Variants in MYH10 observed in about 807,000 individuals in gnomAD.
MYH10 encodes myosin heavy chain 10, also known as myosin-10.
MYH10 carries 55 observed loss-of-function variants against 257.8 expected under a neutral mutation model. That is an observed-to-expected ratio of 0.21 (90% CI 0.17 to 0.27). The LOEUF is 0.27. Among genes scored for constraint, MYH10 ranks in the 10% least tolerant of loss-of-function variants. The probability of loss-of-function intolerance (pLI) is 1.00; values close to 1 mark genes in which losing one functional copy is unlikely to be tolerated. For synonymous variants in MYH10, 854 were observed against 921.7 expected (o/e 0.93, Z 1.33); for missense variants, 1,631 against 2,500.6 (o/e 0.65, Z 7.42).
In MYH10 at chr17:8,490,523, G is replaced by A; in HGVS notation, c.4701C>T (p.Ala1567=). 2 of 1,614,184 alleles carry A rather than the reference G, an allele frequency of 1.2e-6. No homozygotes were observed. Among genetic ancestry groups the A allele is most frequent in the Non-Finnish European group, 1.7e-6 (2 of 1,180,028 alleles). ...TCATTTCCTCCACCTGCTGCTCTAGGGCCCGTTTGGATTTTTCAAGTTCGT... is the reference window on the plus strand; with the variant it reads ...TCATTTCCTCCACCTGCTGCTCTAGAGCCCGTTTGGATTTTTCAAGTTCGT... ...NVHELEKSKR[A]LEQQVEEMRT... Residue 1567 remains alanine, a synonymous_variant, in exon 35 of 43, where the codon GCC becomes GCT. Coordinates refer to ENST00000360416, the MANE Select transcript of MYH10 (RefSeq NM_001256012.3). The surrounding 1 kb of genome is among the most constrained non-coding windows in gnomAD (Gnocchi z 4.1).
intron 2 of MYH10, among the ~76,000 whole-genome samples, chr17:8,614,424 T>C (rs1005664518): frequency 3.3e-5 from 5 of 150,098 alleles, no homozygotes; most frequent in South Asian, 2.1e-4. Context: ...GTTCAGGCTA[T>C]TCTCTGTCCT....
chr17:8,500,437 A>G (rs1917343381), intron 29 of MYH10, among the ~76,000 whole-genome samples: 1 of 152,202 alleles, frequency 6.6e-6, no homozygotes, highest in African/African-American at 2.4e-5. Flanking sequence ...GGAGAGATGA[A>G]TGTCAGGAAC....
At chr17:8,524,331 T>C (rs1279983295) in intron 17 of MYH10, among the ~76,000 whole-genome samples, 3 of 151,678 alleles carry the variant, frequency 2.0e-5, no homozygotes, top group Non-Finnish European at 4.4e-5. Flanking sequence ...ACACCTGTAG[T>C]TCCAGCTACT....
rs778262442 is a variant in MYH10, at chr17:8,499,866, ATG to A, written c.3745-392_3745-391del. ...TTGGTGCAGGGGTGGCCACAACAGG[ATG>A]TATCTCCAATGACATCCTGCCTCAG... On this transcript the variant is annotated intron_variant, in intron 29 of 42. Transcript: ENST00000360416. Among the ~76,000 whole-genome samples, 10 of 152,310 alleles carry A rather than the reference ATG, an allele frequency of 6.6e-5. No individual in the cohort carries two copies. The East Asian group carries it at 1.9e-3, about 29-fold the overall frequency.
chr17:8,615,055 A>T (rs2085202714), intron 2 of MYH10, among the ~76,000 whole-genome samples: 2 of 152,196 alleles, frequency 1.3e-5, no homozygotes, highest in South Asian at 4.1e-4. Context: ...ACACTTTGGG[A>T]GGTCAAAGTG....
intron 1 of MYH10, among the ~76,000 whole-genome samples, chr17:8,630,261 G>T (rs1180799569): frequency 6.8e-6 from 1 of 147,870 alleles, no homozygotes; most frequent in Non-Finnish European, 1.5e-5. Context: ...GCGCCCCCAG[G>T]GATCCCACCC....
At chr17:8,484,989 A>G (rs1219458723) in intron 36 of MYH10, among the ~76,000 whole-genome samples, 2 of 152,246 alleles carry the variant, frequency 1.3e-5, no homozygotes, top group Non-Finnish European at 2.9e-5. Context: ...GAAATAAAAG[A>G]TATCCAGATT....
At chr17:8,628,721 T>A (rs1420857563) in intron 1 of MYH10, among the ~76,000 whole-genome samples, 1 of 152,214 alleles carries the variant, frequency 6.6e-6, no homozygotes, top group East Asian at 1.9e-4. Flanking sequence ...ATACTGTGTT[T>A]AATATTTCCA....
chr17:8,518,324 G>A (rs9889928), intron 21 of MYH10, among the ~76,000 whole-genome samples: 6,811 of 152,062 alleles, frequency 0.045, 221 homozygotes, highest in East Asian at 0.19. Context: ...AGTAGAGATG[G>A]GGTTTTGCCA....
intron 21 of MYH10, among the ~76,000 whole-genome samples, chr17:8,515,256 A>AACT (rs1229547119): frequency 6.6e-5 from 10 of 152,228 alleles, no homozygotes; most frequent in Admixed American, 3.3e-4. Flanking sequence ...GCGATGGAAA[A>AACT]AATAAGAAAA....
intron 7 of MYH10, 84 bp from the exon 8 acceptor site, chr17:8,554,102 T>C: frequency 2.2e-6 from 2 of 923,930 alleles, no homozygotes; most frequent in Non-Finnish European, 3.5e-6. Flanking sequence ...AGACAACAAG[T>C]ATCCATGAAT....
intron 35 of MYH10, among the ~76,000 whole-genome samples, chr17:8,487,864 C>T (rs768539910): frequency 2.0e-5 from 3 of 152,078 alleles, no homozygotes; most frequent in African/African-American, 7.2e-5. Context: ...GACCTGAGCT[C>T]GGTGTAGATG....
chr17:8,520,527 AT>A (rs2081620452), intron 19 of MYH10, among the ~76,000 whole-genome samples: 1 of 152,176 alleles, frequency 6.6e-6, no homozygotes, highest in Non-Finnish European at 1.5e-5. Flanking sequence ...AATAAAAATA[AT>A]TATGTTTGAA....
At position 8,490,546 on chromosome 17, in the gene MYH10, C is replaced by T. The variant is rs1311552961; in HGVS notation, c.4678G>A (p.Glu1560Lys). ...AGGGCCCGTTTGGATTTTTCAAGTT[C>T]GTGAACCTAAACCACCGAAGCATCA... ...SKDDVGKNVH[E>K]LEKSKRALEQ... The change falls in exon 35 of 43, where the codon GAA (glutamate) becomes AAA (lysine). Residue 1560 changes from glutamate (E) to lysine (K), a missense_variant. By Grantham distance (56) the Glu-to-Lys change is moderately conservative (BLOSUM62 1). Around this residue, in one of 11 missense-constraint regions of MYH10, gnomAD observed 463 missense variants for 621.8 expected, o/e 0.74. Transcript: ENST00000360416. The surrounding 1 kb of genome is among the most constrained non-coding windows in gnomAD (Gnocchi z 4.1). 1 of 1,613,954 alleles carries T rather than the reference C, an allele frequency of 6.2e-7. No homozygotes were observed.
intron 35 of MYH10, among the ~76,000 whole-genome samples, chr17:8,489,747 C>CACACACACACACACA (rs1567784631): frequency 1.3e-5 from 1 of 79,720 alleles, no homozygotes; most frequent in African/African-American, 5.9e-5. Context: ...ACACACACAC[C>CACACACACACACACA]CCAAATCCAA....
At chr17:8,627,148 T>A (rs962049971) in intron 1 of MYH10, among the ~76,000 whole-genome samples, 1 of 151,916 alleles carries the variant, frequency 6.6e-6, no homozygotes, top group African/African-American at 2.4e-5. Context: ...ATTTTTTTTT[T>A]AAACGGAACA....
chr17:8,509,563 A>C (rs1213663068), intron 25 of MYH10, among the ~76,000 whole-genome samples: 3 of 152,218 alleles, frequency 2.0e-5, no homozygotes, highest in Non-Finnish European at 4.4e-5. Flanking sequence ...TTGAGTGACC[A>C]TTATGCACAA....
chr17:8,598,760 G>A (rs541372291), intron 3 of MYH10, among the ~76,000 whole-genome samples: 188 of 148,304 alleles, frequency 1.3e-3, no homozygotes, highest in African/African-American at 4.2e-3. Context: ...AGGCTGGAGT[G>A]CAGTGGCATG....
At chr17:8,602,000 G>A (rs1293097116) in intron 3 of MYH10, among the ~76,000 whole-genome samples, 1 of 148,588 alleles carries the variant, frequency 6.7e-6, no homozygotes, top group African/African-American at 2.5e-5. Flanking sequence ...TTTTGAGACG[G>A]AGTCTCGTTC....
Sources: gnomAD v4.1 joint callset for allele counts (sites outside exome capture counted in the v4.1 genomes callset) on GRCh38, gnomAD v4.1.1 for gene constraint, gnomAD v4.1.1 regional missense constraint, Gnocchi (gnomAD v3.1) non-coding constraint, MANE v1.5 for transcripts, NCBI Gene and HGNC (gene_info 2026-07-23, HGNC 2026-07-21) for gene names.